The following PLEKHD1 variants were observed in gnomAD, a reference collection of about 807,000 sequenced individuals.
PLEKHD1 encodes pleckstrin homology domain-containing family D member 1.
In PLEKHD1, 51 loss-of-function variants were observed where a neutral mutation model predicts 69.2. The observed-to-expected ratio is 0.74, with a 90% CI of 0.59 to 0.93. The LOEUF is 0.93. PLEKHD1 is among the 40% of genes least tolerant of loss of function. The pLI is 0.00. For missense variants in PLEKHD1, 584 were observed against 641.0 expected (o/e 0.91, Z 0.96); for synonymous variants, 236 against 244.7 (o/e 0.96, Z 0.33).
intron 6 of PLEKHD1, among the ~76,000 whole-genome samples, chr14:69,507,379 A>G (rs1883176788): frequency 6.6e-6 from 1 of 152,134 alleles, no homozygotes; most frequent in Non-Finnish European, 1.5e-5. Flanking sequence ...CCTTATCCGC[A>G]TGTCCTACAG....
At chr14:69,479,712 A>G (rs956698050), upstream of PLEKHD1, among the ~76,000 whole-genome samples, 1 of 152,190 alleles carries the variant, frequency 6.6e-6, no homozygotes, top group African/African-American at 2.4e-5. Flanking sequence ...GAGTTCCTTC[A>G]GAACACGAAA....
chr14:69,524,058 C>T (rs183326867), intron 7 of PLEKHD1, among the ~76,000 whole-genome samples, 171 bp from the exon 8 acceptor site: 4 of 152,314 alleles, frequency 2.6e-5, no homozygotes, highest in African/African-American at 7.2e-5. Flanking sequence ...TTACTTTCAA[C>T]TCCAGGCCCC....
chr14:69,499,697 G>GCC (rs921993522), intron 1 of PLEKHD1, among the ~76,000 whole-genome samples: 1 of 152,220 alleles, frequency 6.6e-6, no homozygotes, highest in African/African-American at 2.4e-5. Context: ...CATGTTACTT[G>GCC]CCAAAGACCC....
rs1410908377 is a variant in PLEKHD1 at position 69,491,673 on chromosome 14, C to T, written c.149+6559C>T. On this transcript the variant is annotated intron_variant, in intron 1 of 12. Transcript: ENST00000322564. The stretch of plus-strand genomic sequence containing the variant: ...TACCTGTGGTTCTAGATAACATTTT[C>T]CTTGGCTCCAGATGGGCTTATCATG... Among the ~76,000 whole-genome samples, 3 of 152,194 alleles carry T rather than the reference C, an allele frequency of 2.0e-5. No individual in the cohort carries two copies. The East Asian group carries it at 5.8e-4, about 29-fold the overall frequency.
chr14:69,527,109 ACCAAGGAAGGCTT>A, intron 10 of PLEKHD1, 66 bp from the exon 11 acceptor site: 1 of 1,450,532 alleles, frequency 6.9e-7, no homozygotes, highest in Non-Finnish European at 9.2e-7. Flanking sequence ...GCCAGGGGTG[ACCAAGGAAGGCTT>A]CCAGGGAAGA....
intron 9 of PLEKHD1, among the ~76,000 whole-genome samples, chr14:69,526,430 C>T (rs895336449): frequency 6.6e-6 from 1 of 152,130 alleles, no homozygotes; most frequent in Non-Finnish European, 1.5e-5. Context: ...AATGGAGCCT[C>T]AGGGGGGTTG....
At chr14:69,467,774 A>T in the PLEKHD1 span, among the ~76,000 whole-genome samples, 1 of 152,206 alleles carries the variant, frequency 6.6e-6, no homozygotes, top group South Asian at 2.1e-4. Context: ...TCTCAAAAAA[A>T]AAGGTGGGGA....
the PLEKHD1 span, among the ~76,000 whole-genome samples, chr14:69,468,056 C>T: frequency 6.6e-6 from 1 of 152,192 alleles, no homozygotes; most frequent in African/African-American, 2.4e-5. Flanking sequence ...ATAAAGGCCA[C>T]ATTCTTGAAT....
At chr14:69,509,199 G>A (rs1362983492) in intron 6 of PLEKHD1, among the ~76,000 whole-genome samples, 1 of 151,978 alleles carries the variant, frequency 6.6e-6, no homozygotes, top group African/African-American at 2.4e-5. Context: ...AAGATGTCTG[G>A]GTCTTTTGCC....
chr14:69,517,265 G>A (rs1365623938), intron 6 of PLEKHD1, among the ~76,000 whole-genome samples: 1 of 152,200 alleles, frequency 6.6e-6, no homozygotes, highest in Non-Finnish European at 1.5e-5. Flanking sequence ...CATTCCCTGA[G>A]ACAGGGTGCA....
At chr14:69,502,733 G>T in intron 5 of PLEKHD1, 94 bp from the exon 6 acceptor site, 1 of 1,491,980 alleles carries the variant, frequency 6.7e-7, no homozygotes, top group Non-Finnish European at 9.1e-7. Flanking sequence ...GATGCTGGGG[G>T]TGACAGCGAC....
At chr14:69,497,989 C>T (rs2139502049) in intron 1 of PLEKHD1, among the ~76,000 whole-genome samples, 1 of 151,904 alleles carries the variant, frequency 6.6e-6, no homozygotes, top group East Asian at 1.9e-4. Context: ...GAGTTCGAGG[C>T]CAGCCTGGGC....
chr14:69,494,702 C>T (rs1424173678), intron 1 of PLEKHD1, among the ~76,000 whole-genome samples: 4 of 152,194 alleles, frequency 2.6e-5, no homozygotes, highest in Admixed American at 6.5e-5. Context: ...AGACGTGGCC[C>T]CTGGCTTGCA....
chr14:69,482,983 C>T (rs1377266249), upstream of PLEKHD1, among the ~76,000 whole-genome samples: 1 of 151,874 alleles, frequency 6.6e-6, no homozygotes, highest in Non-Finnish European at 1.5e-5. Flanking sequence ...GATTTCCAAG[C>T]ATTAGACCAT....
chr14:69,483,139 C>T (rs1882576933), upstream of PLEKHD1, among the ~76,000 whole-genome samples: 1 of 152,274 alleles, frequency 6.6e-6, no homozygotes, highest in African/African-American at 2.4e-5. Flanking sequence ...AGATGTTCTG[C>T]ATGGGGGCCT....
Position 69,506,891 on chromosome 14 carries a change from C to CTTTTTTTTTTTTTTTTT in PLEKHD1, c.555+4024_555+4040dup, listed in dbSNP as rs1162412450. Among the ~76,000 whole-genome samples, 27 of 78,064 alleles carry CTTTTTTTTTTTTTTTTT rather than the reference C, an allele frequency of 3.5e-4. 3 individuals carry two copies. Among genetic ancestry groups the CTTTTTTTTTTTTTTTTT allele is most frequent in the African/African-American group, 9.2e-4 (16 of 17,434 alleles). 51.2% of individuals were successfully genotyped at this position (78,064 alleles called of 152,430 possible). On this transcript the variant is annotated intron_variant, in intron 6 of 12. Coordinates refer to ENST00000322564, the MANE Select transcript of PLEKHD1 (RefSeq NM_001161498.2). Reference sequence around the variant, plus strand: ...ACTGTCCTAAAAATCCTGGCAACTGCTTTTTTTTTTTTTTTTTTTTTTTTT... The same window carrying CTTTTTTTTTTTTTTTTT: ...ACTGTCCTAAAAATCCTGGCAACTGCTTTTTTTTTTTTTTTTTTTTTTTTTTTTTTTTTTTTTTTTTT...
the PLEKHD1 span, among the ~76,000 whole-genome samples, chr14:69,470,904 G>C: frequency 4.0e-5 from 6 of 151,604 alleles, no homozygotes; most frequent in Middle Eastern, 3.2e-3. Flanking sequence ...CCATTCTCCT[G>C]CCTCAGCCTC....
chr14:69,503,344 A>G (rs1481816870), intron 6 of PLEKHD1: 1 of 177,844 alleles, frequency 5.6e-6, no homozygotes, highest in Non-Finnish European at 1.2e-5. Flanking sequence ...GGTAAAGGAG[A>G]CTCTTGCCTT....
In PLEKHD1 at chr14:69,484,947, A is replaced by C. The variant is rs1415754338; in HGVS notation, c.-19A>C. On this transcript the variant is annotated 5_prime_UTR_variant, in exon 1 of 13. Transcript: ENST00000322564. ...CGGGGAGGTGGGGTCCGGGCCGGGC[A>C]CAGCCCCGCTGAGGCAGGATGTTCA... 3 of 1,548,646 alleles carry C rather than the reference A, an allele frequency of 1.9e-6. No homozygotes were observed. In the South Asian group the frequency reaches 3.6e-5, roughly 18 times the overall value.
Sources: allele counts gnomAD v4.1 joint callset (sites outside exome capture counted in the v4.1 genomes callset), GRCh38; gene constraint gnomAD v4.1.1; transcripts MANE v1.5; gene names NCBI Gene and HGNC (gene_info 2026-07-23, HGNC 2026-07-21).